The following SNX29 variants were observed in gnomAD, a reference collection of about 807,000 sequenced individuals.
SNX29 encodes the protein sorting nexin 29.
A neutral mutation model predicts 102.1 loss-of-function variants in SNX29; 78 were observed. That is an observed-to-expected ratio of 0.76 (90% CI 0.64 to 0.92). The LOEUF is 0.92. Ranked by LOEUF, SNX29 falls within the 40% of genes least tolerant of loss-of-function variation. The probability of loss-of-function intolerance (pLI) is 0.00; values close to 1 mark genes in which losing one functional copy is unlikely to be tolerated. For synonymous variants in SNX29, 580 were observed against 414.5 expected (o/e 1.40, Z -4.85); for missense variants, 1,280 against 1,061.7 (o/e 1.21, Z -2.86).
At chr16:12,301,747 A>G (rs1410609558) in intron 15 of SNX29, among the ~76,000 whole-genome samples, 2 of 152,202 alleles carry the variant, frequency 1.3e-5, no homozygotes, top group Non-Finnish European at 2.9e-5. Context: ...ATAGGCACTA[A>G]AAGACTGTGA....
At chr16:12,054,581 C>T (rs1183485184) in intron 8 of SNX29, among the ~76,000 whole-genome samples, 1 of 152,228 alleles carries the variant, frequency 6.6e-6, no homozygotes, top group Non-Finnish European at 1.5e-5. Flanking sequence ...CTTTTCGGCC[C>T]TGGGCCAGGG....
At chr16:12,330,533 C>G (rs80165102) in intron 15 of SNX29, among the ~76,000 whole-genome samples, 4 of 152,142 alleles carry the variant, frequency 2.6e-5, no homozygotes, top group African/African-American at 4.8e-5. Context: ...TTAATCCTCC[C>G]GACAGCTCTG....
At chr16:12,168,345 G>A (rs1330305518) in intron 13 of SNX29, among the ~76,000 whole-genome samples, 3 of 152,206 alleles carry the variant, frequency 2.0e-5, no homozygotes, top group African/African-American at 4.8e-5. Context: ...CTAGAGGAAA[G>A]CGTGATTCCC....
chr16:12,489,965 A>T (rs965868378), intron 19 of SNX29, among the ~76,000 whole-genome samples: 1 of 151,998 alleles, frequency 6.6e-6, no homozygotes, highest in African/African-American at 2.4e-5. Context: ...ACCACCATGC[A>T]TGGCTAATTT....
chr16:12,539,701 C>A (rs547812255), intron 20 of SNX29, among the ~76,000 whole-genome samples: 1 of 152,208 alleles, frequency 6.6e-6, no homozygotes, highest in South Asian at 2.1e-4. Context: ...GCATGTCATA[C>A]TGTCATGATT....
chr16:12,205,258 A>C (rs2077016093), intron 14 of SNX29, among the ~76,000 whole-genome samples: 2 of 152,188 alleles, frequency 1.3e-5, no homozygotes, highest in African/African-American at 2.4e-5. Flanking sequence ...CCCACTGTGC[A>C]CAGAGGCAAA....
chr16:12,061,970 A>G (rs1436128660), intron 9 of SNX29, among the ~76,000 whole-genome samples: 1 of 152,166 alleles, frequency 6.6e-6, no homozygotes, highest in East Asian at 1.9e-4. Flanking sequence ...GACCACAAAT[A>G]GTGACCACGA....
chr16:12,440,774 T>C (rs2085763953), intron 18 of SNX29, among the ~76,000 whole-genome samples: 1 of 152,188 alleles, frequency 6.6e-6, no homozygotes, highest in African/African-American at 2.4e-5. Context: ...CATGATCTCG[T>C]TCTGTTTTTG....
chr16:12,179,208 G>A (rs377724376), intron 13 of SNX29, among the ~76,000 whole-genome samples: 37 of 152,268 alleles, frequency 2.4e-4, no homozygotes, highest in African/African-American at 7.9e-4. Flanking sequence ...TGTGAGGGCC[G>A]GGCACAGTTG....
intron 18 of SNX29, among the ~76,000 whole-genome samples, chr16:12,441,877 C>T (rs2085823722): frequency 6.6e-6 from 1 of 152,222 alleles, no homozygotes; most frequent in African/African-American, 2.4e-5. Flanking sequence ...CAACCTCCGC[C>T]TCCTGGATTC....
At chr16:12,566,812 A>G (rs1170838970) in intron 20 of SNX29, among the ~76,000 whole-genome samples, 1 of 152,264 alleles carries the variant, frequency 6.6e-6, no homozygotes, top group African/African-American at 2.4e-5. Flanking sequence ...GAGATGATTC[A>G]GAGCAGCTCC....
intron 19 of SNX29, among the ~76,000 whole-genome samples, chr16:12,483,679 G>C (rs62028449): frequency 0.025 from 3,768 of 152,212 alleles, 70 homozygotes; most frequent in East Asian, 0.052. Context: ...CCAAGATCTT[G>C]GTGACTTAAG....
chr16:11,985,542 G>A (rs185850722), intron 1 of SNX29, among the ~76,000 whole-genome samples: 1 of 152,254 alleles, frequency 6.6e-6, no homozygotes, highest in Admixed American at 6.5e-5. Context: ...CTCTCTGTTG[G>A]CTTCACCCAC....
chr16:12,119,807 C>T (rs1348030429), intron 11 of SNX29, among the ~76,000 whole-genome samples: 1 of 152,224 alleles, frequency 6.6e-6, no homozygotes, highest in African/African-American at 2.4e-5. Flanking sequence ...AGTCACTTCC[C>T]TTCTCCTGGT....
intron 19 of SNX29, 102 bp downstream of exon 19, chr16:12,477,961 A>G (rs2087733014): frequency 2.2e-6 from 3 of 1,360,802 alleles, no homozygotes; most frequent in Non-Finnish European, 2.9e-6. Flanking sequence ...TGCTCCTTAA[A>G]GAAAAGTTGG....
chr16:12,091,667 G>T (rs1461799699), intron 11 of SNX29, among the ~76,000 whole-genome samples: 2 of 150,082 alleles, frequency 1.3e-5, no homozygotes, highest in African/African-American at 2.5e-5. Flanking sequence ...TGTTGTCCCA[G>T]CTACTTGGAA....
intron 11 of SNX29, among the ~76,000 whole-genome samples, chr16:12,095,905 G>C (rs1389639759): frequency 1.3e-5 from 2 of 152,230 alleles, no homozygotes; most frequent in East Asian, 3.8e-4. Flanking sequence ...TATTGGAAGA[G>C]ATTCTCAACG....
At chr16:12,090,277 G>A (rs1055785684) in intron 11 of SNX29, 1 of 152,292 alleles carries the variant, frequency 6.6e-6, no homozygotes, top group Non-Finnish European at 1.5e-5. Flanking sequence ...GTGTGGAACC[G>A]GGCATCCTTT....
chr16:12,343,369 C>T (rs960414040), intron 15 of SNX29, among the ~76,000 whole-genome samples: 1 of 152,210 alleles, frequency 6.6e-6, no homozygotes, highest in Admixed American at 6.5e-5. Context: ...GCAACCTATT[C>T]TCGGAGATAA....
Sources: gnomAD v4.1 joint callset for allele counts (sites outside exome capture counted in the v4.1 genomes callset) on GRCh38, gnomAD v4.1.1 for gene constraint, MANE v1.5 for transcripts, NCBI Gene and HGNC (gene_info 2026-07-23, HGNC 2026-07-21) for gene names.